The following PCDH10 variants were observed in gnomAD, a reference collection of about 807,000 sequenced individuals.
PCDH10 encodes the protein protocadherin-10.
PCDH10 carries 15 observed loss-of-function variants against 74.4 expected under a neutral mutation model. That is an observed-to-expected ratio of 0.20 (90% CI 0.13 to 0.31). The LOEUF (loss-of-function observed/expected upper bound fraction) is 0.31. PCDH10 is among the 10% of genes least tolerant of loss of function. The probability of loss-of-function intolerance (pLI) is 1.00; values close to 1 mark genes in which losing one functional copy is unlikely to be tolerated. For synonymous variants in PCDH10, 619 were observed against 589.8 expected, an observed-to-expected ratio of 1.05 and a Z score of -0.72; for missense variants, 1,260 against 1,390.2, an observed-to-expected ratio of 0.91 and a Z score of 1.49.
At chr4:133,198,798 A>G (rs1578581561), downstream of PCDH10, among the ~76,000 whole-genome samples, 1 of 152,196 alleles carries the variant, frequency 6.6e-6, no homozygotes. Flanking sequence ...GCAAGCTTCT[A>G]GCTGCAAATC....
intron 3 of PCDH10, among the ~76,000 whole-genome samples, chr4:133,156,148 C>T (rs1726859528): frequency 6.6e-6 from 1 of 152,184 alleles, no homozygotes; most frequent in Admixed American, 6.5e-5. Flanking sequence ...CCTTAACACA[C>T]TTGTGGACCT....
intron 4 of PCDH10, among the ~76,000 whole-genome samples, chr4:133,179,378 G>C (rs1327364335): frequency 6.6e-6 from 1 of 152,026 alleles, no homozygotes. Flanking sequence ...CCACAATAAC[G>C]TTCATGTTTA....
In PCDH10 at chr4:133,151,025, C is replaced by G. The variant is rs376916059; in HGVS notation, c.885C>G (p.Pro295=). The stretch of plus-strand genomic sequence containing the variant: ...ACTCCTTCAGCAGCCACATTTCGCC[C>G]CGGGCGCGGGAGCTTTTCGGACTCT... ...VVYSFSSHIS[P]RARELFGLSP... The change falls in exon 1 of 5, where the codon CCC becomes CCG. Residue 295 remains proline, a synonymous_variant. Transcript: ENST00000264360. 8 of 1,613,894 alleles carry G rather than the reference C, an allele frequency of 5.0e-6. No individual in the cohort carries two copies. The highest frequency in any genetic ancestry group is 6.8e-6 in the Non-Finnish European group (8 of 1,180,030).
intron 4 of PCDH10, among the ~76,000 whole-genome samples, chr4:133,168,322 G>A (rs990190798): frequency 1.1e-4 from 16 of 151,172 alleles, no homozygotes; most frequent in Non-Finnish European, 5.9e-5. Context: ...TCAGACATCA[G>A]TACTTCCCTG....
Position 133,192,996 on chromosome 4 carries a change from G to A in PCDH10, c.*2836G>A, listed in dbSNP as rs962690638. The A allele has an allele frequency of 6.1e-5, 9 of 147,822 alleles. No homozygotes were observed. Among genetic ancestry groups the A allele is most frequent in the Admixed American group, 2.0e-4 (3 of 14,892 alleles). The allele number at this position is 147,822 out of a possible 1,614,324, so 9.2% of individuals were successfully genotyped here. On this transcript the variant is annotated 3_prime_UTR_variant, in exon 5 of 5. Coordinates refer to ENST00000264360, the MANE Select transcript of PCDH10 (RefSeq NM_032961.3). ...AGAATAATATCCATCGTATTAGACA[G>A]TATTTCGTCAATAAATTATTTCAGA...
chr4:133,197,129 C>T (rs1727810561), downstream of PCDH10, among the ~76,000 whole-genome samples: 1 of 152,126 alleles, frequency 6.6e-6, no homozygotes, highest in African/African-American at 2.4e-5. Context: ...TTTCTTCCTC[C>T]ACTTCCTTTT....
chr4:133,162,875 A>T, intron 3 of PCDH10, 102 bp from the exon 4 acceptor site: 1 of 966,204 alleles, frequency 1.0e-6, no homozygotes, highest in Non-Finnish European at 1.5e-6. Context: ...TTGTTAAGAC[A>T]ACTTCACTTG....
intron 1 of PCDH10, chr4:133,153,217 G>T (rs1209431462): frequency 1.9e-6 from 2 of 1,052,572 alleles, no homozygotes; most frequent in East Asian, 8.4e-5. Flanking sequence ...TTTTAGTCGC[G>T]TGTACAAGTA....
intron 3 of PCDH10, among the ~76,000 whole-genome samples, chr4:133,156,607 T>G (rs1463427904): frequency 6.6e-6 from 1 of 152,262 alleles, no homozygotes; most frequent in Admixed American, 6.5e-5. Flanking sequence ...AGTTTCTAAT[T>G]TAACTGTCAA....
chr4:133,173,122 G>A (rs1268728110), intron 4 of PCDH10, among the ~76,000 whole-genome samples: 1 of 151,826 alleles, frequency 6.6e-6, no homozygotes, highest in African/African-American at 2.4e-5. Flanking sequence ...ATTTTTCTTT[G>A]AACGCAGATT....
chr4:133,203,731 C>T (rs1047435273), intron 2 of PCDH10, among the ~76,000 whole-genome samples: 1 of 152,194 alleles, frequency 6.6e-6, no homozygotes, highest in African/African-American at 2.4e-5. Flanking sequence ...ATAGTTACAG[C>T]TTTCAGTCCG....
At position 133,190,174 on chromosome 4, in the gene PCDH10, A is replaced by T; in HGVS notation, c.*14A>T. 7 of 1,608,896 alleles carry T rather than the reference A, an allele frequency of 4.4e-6. No homozygotes were observed. Among genetic ancestry groups the T allele is most frequent in the South Asian group, 1.1e-5 (1 of 90,972 alleles). On this transcript the variant is annotated 3_prime_UTR_variant, in exon 5 of 5. Transcript: ENST00000264360. ...AGGATATGCTAGTCAATTCTACAGG[A>T]CTTACCTGAAGCAGCATGATTTGCA...
Position 133,181,888 on chromosome 4 carries a change from T to C in PCDH10, c.3104-8253T>C, listed in dbSNP as rs145638337. Among the ~76,000 whole-genome samples the C allele has an allele frequency of 1.6e-4, 24 of 152,236 alleles. No individual in the cohort carries two copies. In the East Asian group the frequency reaches 4.6e-3, roughly 29 times the overall value. On this transcript the variant is annotated intron_variant, in intron 4 of 4. Transcript: ENST00000264360. ...ATGTTTGAATAGGCGTTTAGAAATATTTACCAACCCAGAACTTCCAATTGT... is the reference window on the plus strand; with the variant it reads ...ATGTTTGAATAGGCGTTTAGAAATACTTACCAACCCAGAACTTCCAATTGT...
chr4:133,206,494 C>A (rs1285239998), intron 2 of PCDH10, among the ~76,000 whole-genome samples: 1 of 152,160 alleles, frequency 6.6e-6, no homozygotes, highest in African/African-American at 2.4e-5. Context: ...TTTGTGCTGT[C>A]AATTACTAAG....
chr4:133,167,457 G>C (rs1306189918), intron 4 of PCDH10, among the ~76,000 whole-genome samples: 1 of 151,464 alleles, frequency 6.6e-6, no homozygotes, highest in Non-Finnish European at 1.5e-5. Flanking sequence ...CCTCTGTATA[G>C]TGTTTTCTCT....
At position 133,151,603 on chromosome 4, in the gene PCDH10, C is replaced by G; in HGVS notation, c.1463C>G (p.Thr488Ser). 6.2e-7 allele frequency: 1 copy of G among 1,613,868 alleles called. No individual in the cohort carries two copies. The highest frequency in any genetic ancestry group is 8.5e-7 in the Non-Finnish European group (1 of 1,180,016). ...PGAYIYAVSA[T>S]DRDEGANAQL... ...GCCTACATCTACGCGGTGAGCGCCACCGACCGGGATGAGGGCGCCAACGCC... is the reference window on the plus strand; with the variant it reads ...GCCTACATCTACGCGGTGAGCGCCAGCGACCGGGATGAGGGCGCCAACGCC... Residue 488 changes from threonine (T) to serine (S), a missense_variant, in exon 1 of 5, where the codon ACC (threonine) becomes AGC (serine). Around this residue, in one of 11 missense-constraint regions of PCDH10, gnomAD observed 587 missense variants for 616.9 expected, o/e 0.95. Transcript: ENST00000264360.
At chr4:133,166,053 G>A (rs1441527016) in intron 4 of PCDH10, among the ~76,000 whole-genome samples, 2 of 151,522 alleles carry the variant, frequency 1.3e-5, no homozygotes, top group African/African-American at 4.8e-5. Flanking sequence ...GAATAATTTT[G>A]AACACATCAT....
Position 133,152,444 on chromosome 4 carries a change from G to A in PCDH10, c.2304G>A (p.Ser768=). 6.2e-7 allele frequency: 1 copy of A among 1,614,094 alleles called. No homozygotes were observed. The highest frequency in any genetic ancestry group is 8.5e-7 in the Non-Finnish European group (1 of 1,180,026). ...GCTGCTGCTGCGGTGGCGGAGGTTC[G>A]ACCTGCTGTGGCCGCCAAGCCCGGG... is the stretch of plus-strand genomic sequence containing the variant. The part of the protein sequence containing the change: ...LCCCCCGGGG[S]TCCGRQARAR... Residue 768 remains serine (S), a synonymous_variant, in exon 1 of 5, where the codon TCG becomes TCA. Coordinates refer to ENST00000264360, the MANE Select transcript of PCDH10 (RefSeq NM_032961.3).
chr4:133,205,939 A>G (rs1378063287), intron 2 of PCDH10, among the ~76,000 whole-genome samples: 4 of 152,136 alleles, frequency 2.6e-5, no homozygotes, highest in African/African-American at 9.7e-5. Flanking sequence ...TCCTAGAATT[A>G]TGTTAGAGAC....
Sources: allele counts gnomAD v4.1 joint callset (sites outside exome capture counted in the v4.1 genomes callset), GRCh38; gene constraint gnomAD v4.1.1; regional missense constraint gnomAD v4.1.1; transcripts MANE v1.5; gene names NCBI Gene and HGNC (gene_info 2026-07-23, HGNC 2026-07-21).